MCTP2: variants seen among roughly 807,000 people sequenced by gnomAD.
MCTP2 encodes the protein multiple C2 and transmembrane domain containing 2.
A neutral mutation model predicts 111.6 loss-of-function variants in MCTP2; 132 were observed. The ratio of observed to expected loss-of-function variants is 1.18; its 90% CI spans 1.03 to 1.37. The LOEUF is 1.37. Ranked by LOEUF, MCTP2 falls within the 40% of genes most tolerant of loss-of-function variation. The pLI is 0.00. For synonymous variants in MCTP2, 395 were observed against 387.7 expected, an observed-to-expected ratio of 1.02 and a Z score of -0.22; for missense variants, 1,183 against 1,067.9, an observed-to-expected ratio of 1.11 and a Z score of -1.50.
At chr15:94,476,836 A>C (rs755666240) in intron 22 of MCTP2, 43 bp downstream of exon 22, 1 of 1,158,406 alleles carries the variant, frequency 8.6e-7, no homozygotes. Context: ...CCCAACCTGA[A>C]ATCTGGCCAG....
Position 94,479,061 on chromosome 15 carries a change from A to G in MCTP2, c.*27A>G. 6.2e-7 allele frequency: 1 copy of G among 1,611,242 alleles called. No individual in the cohort carries two copies. The highest frequency in any genetic ancestry group is 8.5e-7 in the Non-Finnish European group (1 of 1,177,572). On this transcript the variant is annotated 3_prime_UTR_variant, in exon 23 of 23. Transcript: ENST00000357742. ...GCACACACCGACTTTGGACAGCAGC[A>G]CCCAATATTGTGTTTGGTTGAGTAG...
chr15:94,325,153 GGACATGGACCACC>G (rs2076801999), intron 4 of MCTP2, among the ~76,000 whole-genome samples: 1 of 152,032 alleles, frequency 6.6e-6, no homozygotes, highest in African/African-American at 2.4e-5. Flanking sequence ...CGTGGGCTTT[GGACATGGACCACC>G]GGAGTTTGGA....
intron 21 of MCTP2, among the ~76,000 whole-genome samples, chr15:94,471,271 C>G (rs1023868157): frequency 7.2e-5 from 11 of 152,156 alleles, no homozygotes; most frequent in African/African-American, 2.7e-4. Flanking sequence ...GATGAATTCT[C>G]AATGCTCGTC....
At chr15:94,450,142 A>G (rs293577) in intron 19 of MCTP2, among the ~76,000 whole-genome samples, 41,261 of 152,008 alleles carry the variant, frequency 0.27, 5,804 homozygotes, top group African/African-American at 0.32. Flanking sequence ...AAATACCAGT[A>G]CAGTAAGTGC....
intron 17 of MCTP2, among the ~76,000 whole-genome samples, chr15:94,416,881 T>C (rs983669686): frequency 6.6e-6 from 1 of 152,294 alleles, no homozygotes; most frequent in African/African-American, 2.4e-5. Context: ...GTCATCTCCT[T>C]CTCCCTCCCA....
chr15:94,307,594 T>C (rs773180017), intron 2 of MCTP2, among the ~76,000 whole-genome samples: 7 of 152,136 alleles, frequency 4.6e-5, no homozygotes, highest in Non-Finnish European at 1.0e-4. Flanking sequence ...CTTAGTGCAC[T>C]GAATGAGCGG....
At position 94,306,647 on chromosome 15, in the gene MCTP2, A is replaced by G. The variant is rs1191422049; in HGVS notation, c.466-7635A>G. Among the ~76,000 whole-genome samples the G allele has an allele frequency of 2.0e-5, 3 of 152,250 alleles. No individual in the cohort carries two copies. The East Asian group carries it at 5.8e-4, about 29-fold the overall frequency. Reference sequence around the variant, plus strand: ...TTGAATGGGCTCATTGTCATGGTCAATAACTAATAATTATGAAAGAAAGGA... The same window carrying G: ...TTGAATGGGCTCATTGTCATGGTCAGTAACTAATAATTATGAAAGAAAGGA... On this transcript the variant is annotated intron_variant, in intron 2 of 22. Transcript: ENST00000357742.
At position 94,231,681 on chromosome 15, in the gene MCTP2, G is replaced by C. The variant is rs896355942; in HGVS notation, c.-66+17G>C. ...CTCGCACAGGTGAGGGCGGTGCCGG[G>C]TTCACCTGGCAGCGCGCGTGGGCCG... On this transcript the variant is annotated intron_variant, in intron 1 of 22. Transcript: ENST00000357742. 2 of 152,496 alleles carry C rather than the reference G, an allele frequency of 1.3e-5. No individual in the cohort carries two copies. The highest frequency in any genetic ancestry group is 6.5e-5 in the Admixed American group (1 of 15,292). The allele number at this position is 152,496 out of a possible 1,614,324, so 9.4% of individuals were successfully genotyped here.
At chr15:94,450,231 T>C (rs1001122965) in intron 19 of MCTP2, among the ~76,000 whole-genome samples, 1 of 152,244 alleles carries the variant, frequency 6.6e-6, no homozygotes. Context: ...TATTTTATAT[T>C]CATTTCCCAA....
intron 4 of MCTP2, among the ~76,000 whole-genome samples, chr15:94,330,711 G>C (rs1024032419): frequency 6.6e-6 from 1 of 150,390 alleles, no homozygotes; most frequent in African/African-American, 2.5e-5. Flanking sequence ...ACCAAGAATA[G>C]AGATGCAGGC....
intron 8 of MCTP2, among the ~76,000 whole-genome samples, chr15:94,354,168 A>G (rs991164616): frequency 6.6e-6 from 1 of 152,098 alleles, no homozygotes; most frequent in Admixed American, 6.5e-5. Context: ...AGAAGAGGAT[A>G]GTTCTTTCTT....
At chr15:94,270,126 C>T (rs1596234121) in intron 1 of MCTP2, among the ~76,000 whole-genome samples, 1 of 152,166 alleles carries the variant, frequency 6.6e-6, no homozygotes, top group East Asian at 1.9e-4. Flanking sequence ...CTGACAGGGA[C>T]ATTGCTGACA....
intron 17 of MCTP2, among the ~76,000 whole-genome samples, chr15:94,427,143 C>G (rs1596672005): frequency 2.0e-5 from 3 of 152,190 alleles, no homozygotes; most frequent in Admixed American, 2.0e-4. Flanking sequence ...TTTTTATCCT[C>G]TATGTTTTTG....
intron 2 of MCTP2, among the ~76,000 whole-genome samples, chr15:94,312,779 C>T (rs904231653): frequency 2.6e-5 from 4 of 152,194 alleles, no homozygotes; most frequent in African/African-American, 9.7e-5. Context: ...TTCTCGATGT[C>T]ACTGCATGCA....
chr15:94,362,322 A>T (rs2152430935), intron 10 of MCTP2, among the ~76,000 whole-genome samples: 1 of 152,326 alleles, frequency 6.6e-6, no homozygotes, highest in South Asian at 2.1e-4. Context: ...CCAATTTCTT[A>T]AAGTATATTT....
At chr15:94,296,863 T>C (rs6497197) in intron 1 of MCTP2, among the ~76,000 whole-genome samples, 68,220 of 152,030 alleles carry the variant, frequency 0.45, 15,702 homozygotes, top group Middle Eastern at 0.53. Flanking sequence ...AAGTTCATCC[T>C]GGGAGAAGCT....
chr15:94,478,147 A>G (rs1013359575), intron 22 of MCTP2, among the ~76,000 whole-genome samples: 3 of 152,216 alleles, frequency 2.0e-5, no homozygotes, highest in Admixed American at 2.0e-4. Context: ...CCAAAGCAAT[A>G]TATTTGCAAC....
chr15:94,269,323 T>C (rs2073780385), intron 1 of MCTP2, among the ~76,000 whole-genome samples: 1 of 152,216 alleles, frequency 6.6e-6, no homozygotes, highest in Non-Finnish European at 1.5e-5. Flanking sequence ...CTTATAAAGA[T>C]TTGGGCAGAG....
intron 21 of MCTP2, among the ~76,000 whole-genome samples, chr15:94,475,174 T>C (rs2152544540): frequency 1.3e-5 from 2 of 152,184 alleles, no homozygotes; most frequent in South Asian, 4.1e-4. Context: ...ACAGTGAGAG[T>C]ATTTCAGTGT....
Sources: gnomAD v4.1 joint callset for allele counts (sites outside exome capture counted in the v4.1 genomes callset) on GRCh38, gnomAD v4.1.1 for gene constraint, MANE v1.5 for transcripts, NCBI Gene and HGNC (gene_info 2026-07-23, HGNC 2026-07-21) for gene names.